The following IQCM variants were observed in gnomAD, a reference collection of about 807,000 sequenced individuals.
The protein encoded by IQCM is IQ domain-containing protein M.
A neutral mutation model predicts 57.6 loss-of-function variants in IQCM; 45 were observed. That is an observed-to-expected ratio of 0.78 (90% confidence interval 0.62 to 1.00). The LOEUF (loss-of-function observed/expected upper bound fraction) is 1.00. IQCM is among the 50% of genes least tolerant of loss of function. The probability of loss-of-function intolerance (pLI) is 0.00; values close to 1 mark genes in which losing one functional copy is unlikely to be tolerated. For missense variants in IQCM, 468 were observed against 511.6 expected, an observed-to-expected ratio of 0.91 and a Z score of 0.82; for synonymous variants, 148 against 158.9, an observed-to-expected ratio of 0.93 and a Z score of 0.51.
chr4:149,739,852 C>T (rs1255911748), intron 3 of IQCM, among the ~76,000 whole-genome samples: 1 of 152,058 alleles, frequency 6.6e-6, no homozygotes, highest in Non-Finnish European at 1.5e-5. Flanking sequence ...CCTCATTTTT[C>T]ATATATCATC....
At chr4:149,803,523 C>G (rs1773801171) in intron 2 of IQCM, among the ~76,000 whole-genome samples, 1 of 151,988 alleles carries the variant, frequency 6.6e-6, no homozygotes, top group Non-Finnish European at 1.5e-5. Context: ...GATTTCCAAT[C>G]TGATAATTCA....
intron 11 of IQCM, among the ~76,000 whole-genome samples, chr4:149,551,545 T>C (rs1448564277): frequency 2.6e-5 from 4 of 151,952 alleles, no homozygotes; most frequent in African/African-American, 7.3e-5. Flanking sequence ...TTGAGTAAAA[T>C]AGTAGGAGCA....
chr4:149,356,597 G>T (rs1213290603), intron 13 of IQCM, among the ~76,000 whole-genome samples: 1 of 152,046 alleles, frequency 6.6e-6, no homozygotes, highest in African/African-American at 2.4e-5. Flanking sequence ...CTGTTTCATT[G>T]GTCTATATCT....
At chr4:149,531,852 T>G (rs766240722) in intron 12 of IQCM, among the ~76,000 whole-genome samples, 7 of 152,132 alleles carry the variant, frequency 4.6e-5, no homozygotes, top group Admixed American at 3.3e-4. Context: ...GTGATTAAAC[T>G]GTCCATTTCT....
At chr4:149,521,290 A>G (rs1262852434) in intron 12 of IQCM, among the ~76,000 whole-genome samples, 1 of 152,168 alleles carries the variant, frequency 6.6e-6, no homozygotes, top group African/African-American at 2.4e-5. Context: ...AAAGAAAGGA[A>G]AAAAGGAAGG....
At chr4:149,673,203 A>G (rs1223491023) in intron 7 of IQCM, among the ~76,000 whole-genome samples, 1 of 152,224 alleles carries the variant, frequency 6.6e-6, no homozygotes, top group Non-Finnish European at 1.5e-5. Context: ...GATGCTAGGA[A>G]GAAAGTGTAT....
intron 7 of IQCM, among the ~76,000 whole-genome samples, chr4:149,675,940 T>C (rs1156920448): frequency 6.6e-6 from 1 of 152,032 alleles, no homozygotes; most frequent in Non-Finnish European, 1.5e-5. Context: ...AGCCCAGAGC[T>C]TTGAAGAGGT....
intron 7 of IQCM, among the ~76,000 whole-genome samples, chr4:149,623,176 T>G (rs905508714): frequency 3.3e-5 from 5 of 152,092 alleles, no homozygotes; most frequent in African/African-American, 1.2e-4. Flanking sequence ...AAAAATAAAA[T>G]TAAATAAATA....
At chr4:149,614,107 C>T (rs1755566021) in intron 8 of IQCM, among the ~76,000 whole-genome samples, 1 of 152,074 alleles carries the variant, frequency 6.6e-6, no homozygotes, top group South Asian at 2.1e-4. Context: ...ATTCTCCTCT[C>T]TCATGTAGGA....
At chr4:149,771,813 T>A (rs552554401) in intron 2 of IQCM, among the ~76,000 whole-genome samples, 1 of 152,274 alleles carries the variant, frequency 6.6e-6, no homozygotes, top group South Asian at 2.1e-4. Flanking sequence ...AATATGCTTT[T>A]ACTATCTTTA....
intron 5 of IQCM, among the ~76,000 whole-genome samples, chr4:149,716,622 C>A (rs536863228): frequency 6.6e-6 from 1 of 152,176 alleles, no homozygotes; most frequent in African/African-American, 2.4e-5. Context: ...CGGCTGCAGC[C>A]GGCATCTTTG....
intron 7 of IQCM, among the ~76,000 whole-genome samples, chr4:149,634,970 G>A (rs1757601053): frequency 6.6e-6 from 1 of 152,164 alleles, no homozygotes; most frequent in South Asian, 2.1e-4. Flanking sequence ...ACTGGATGAT[G>A]AATATTTGTG....
chr4:149,495,652 G>A (rs1009735652), intron 12 of IQCM, among the ~76,000 whole-genome samples: 2 of 152,104 alleles, frequency 1.3e-5, no homozygotes, highest in Non-Finnish European at 2.9e-5. Flanking sequence ...GAGGAGGGCA[G>A]TGTAGAATGA....
chr4:149,523,658 A>G (rs1745880738), intron 12 of IQCM, among the ~76,000 whole-genome samples: 1 of 152,108 alleles, frequency 6.6e-6, no homozygotes, highest in Non-Finnish European at 1.5e-5. Context: ...ATCTACATCA[A>G]TATTTATAGG....
chr4:149,809,682 A>G (rs1561298266), intron 2 of IQCM, among the ~76,000 whole-genome samples: 1 of 152,182 alleles, frequency 6.6e-6, no homozygotes, highest in Non-Finnish European at 1.5e-5. Context: ...TCCTTGCCAC[A>G]TTAGGATGTG....
intron 5 of IQCM, among the ~76,000 whole-genome samples, chr4:149,697,191 C>T (rs1763404615): frequency 6.6e-6 from 1 of 152,140 alleles, no homozygotes; most frequent in Non-Finnish European, 1.5e-5. Flanking sequence ...GCTGATTTCA[C>T]ATCACTATCA....
At chr4:149,741,148 T>G (rs1767417748) in intron 3 of IQCM, among the ~76,000 whole-genome samples, 1 of 152,154 alleles carries the variant, frequency 6.6e-6, no homozygotes, top group Non-Finnish European at 1.5e-5. Context: ...TATTCAACAT[T>G]TTTTTCCGTA....
chr4:149,472,461 G>A (rs532360970), intron 12 of IQCM, among the ~76,000 whole-genome samples: 46 of 152,182 alleles, frequency 3.0e-4, no homozygotes, highest in Non-Finnish European at 6.0e-4. Context: ...ACTGCCCAAC[G>A]AAATAAAAGA....
At chr4:149,583,980 C>T (rs992535012) in intron 9 of IQCM, among the ~76,000 whole-genome samples, 2 of 151,278 alleles carry the variant, frequency 1.3e-5, no homozygotes, top group Admixed American at 1.3e-4. Flanking sequence ...ATAATCTTTA[C>T]CTTTATAAAA....
Sources: allele counts gnomAD v4.1 joint callset (sites outside exome capture counted in the v4.1 genomes callset), GRCh38; gene constraint gnomAD v4.1.1; transcripts MANE v1.5; gene names NCBI Gene and HGNC (gene_info 2026-07-23, HGNC 2026-07-21).